The following ECE1 variants were observed in gnomAD, a reference collection of about 807,000 sequenced individuals.
ECE1 encodes endothelin-converting enzyme 1.
In ECE1, 35 loss-of-function variants were observed where a neutral mutation model predicts 98.6. The ratio of observed to expected loss-of-function variants is 0.35; its 90% confidence interval spans 0.27 to 0.47. ECE1 has a LOEUF of 0.47. ECE1 is among the 20% of genes least tolerant of loss of function. ECE1 has a pLI of 1.00. For missense variants in ECE1, 814 were observed against 1,025.3 expected (o/e 0.79, Z 2.81); for synonymous variants, 394 against 407.1 (o/e 0.97, Z 0.39).
At chr1:21,231,972 G>T (rs1408644497) in intron 14 of ECE1, among the ~76,000 whole-genome samples, 1 of 152,190 alleles carries the variant, frequency 6.6e-6, no homozygotes, top group Non-Finnish European at 1.5e-5. Flanking sequence ...ACTTCAATGG[G>T]TAGGCAAGGA....
intron 3 of ECE1, among the ~76,000 whole-genome samples, chr1:21,277,471 C>T (rs1300995115): frequency 6.6e-6 from 1 of 152,128 alleles, no homozygotes; most frequent in Non-Finnish European, 1.5e-5. Context: ...TCCACACTGA[C>T]CAGGAGGGGG....
chr1:21,262,883 C>T (rs2098228859), intron 4 of ECE1, among the ~76,000 whole-genome samples: 1 of 152,214 alleles, frequency 6.6e-6, no homozygotes. Flanking sequence ...GTTCCTTTTG[C>T]CTGGCAACCG....
Position 21,221,864 on chromosome 1 carries a change from G to A in ECE1, c.2041-22C>T, listed in dbSNP as rs767969016. ...AAGCCTGGGAGGAGAGAAAACCAAA[G>A]CTCAGGGGTTCCCATGGCAGGTGGT... On this transcript the variant is annotated intron_variant, in intron 17 of 18. Transcript: ENST00000374893. The A allele has an allele frequency of 9.3e-6, 15 of 1,610,436 alleles. No individual in the cohort carries two copies. The South Asian group carries it at 1.6e-4, about 18-fold the overall frequency.
chr1:21,338,452 A>G (rs1639342366), intron 1 of ECE1, among the ~76,000 whole-genome samples: 1 of 152,254 alleles, frequency 6.6e-6, no homozygotes, highest in African/African-American at 2.4e-5. Flanking sequence ...CTCATTTTAC[A>G]GAGGAAGAAA....
intron 1 of ECE1, among the ~76,000 whole-genome samples, chr1:21,343,049 G>A (rs1284160377): frequency 6.6e-6 from 1 of 152,054 alleles, no homozygotes; most frequent in Non-Finnish European, 1.5e-5. Context: ...TCACACCTCT[G>A]CTCCTCTGTC....
intron 3 of ECE1, among the ~76,000 whole-genome samples, chr1:21,273,532 G>A (rs1569601224): frequency 6.6e-6 from 1 of 152,274 alleles, no homozygotes; most frequent in East Asian, 1.9e-4. Context: ...TTTACTATGT[G>A]CCAAAAGGGT....
At chr1:21,326,654 G>T (rs1444393592) in intron 1 of ECE1, among the ~76,000 whole-genome samples, 1 of 152,126 alleles carries the variant, frequency 6.6e-6, no homozygotes, top group African/African-American at 2.4e-5. Context: ...GCAGCGTAGG[G>T]AGGTGGGGCG....
rs1179375786 is a variant in ECE1 at position 21,220,156 on chromosome 1, C to T, written c.2137-25G>A. 3 of 1,597,868 alleles carry T rather than the reference C, an allele frequency of 1.9e-6. No individual in the cohort carries two copies. Among genetic ancestry groups the T allele is most frequent in the East Asian group, 2.2e-5 (1 of 44,638 alleles). ...CCTTTGAAGGGGCAACAGGGAGAGG[C>T]CAGGGTCACTGTGGGGCCCTCGGGC... On this transcript the variant is annotated intron_variant, in intron 18 of 18. Coordinates refer to ENST00000374893, the MANE Select transcript of ECE1 (RefSeq NM_001397.3). The surrounding 1 kb of genome is among the most constrained non-coding windows in gnomAD (Gnocchi z 5.0).
At chr1:21,257,827 C>G (rs568184624) in intron 6 of ECE1, among the ~76,000 whole-genome samples, 1 of 152,194 alleles carries the variant, frequency 6.6e-6, no homozygotes, top group Non-Finnish European at 1.5e-5. Context: ...AAGGGCTGGA[C>G]AGAGCCACCC....
chr1:21,272,577 C>T, intron 4 of ECE1, 122 bp downstream of exon 4: 1 of 1,210,898 alleles, frequency 8.3e-7, no homozygotes, highest in African/African-American at 1.5e-5. Context: ...CAGGTGTGAG[C>T]CACCGTGCCC....
chr1:21,290,203 C>T lies in ECE1; in HGVS notation c.52-47G>A. On this transcript the variant is annotated intron_variant, in intron 1 of 18. Transcript: ENST00000374893. The surrounding 1 kb of genome is among the most constrained non-coding windows in gnomAD (Gnocchi z 7.3). ...GGACTCCCTCAGCGCCTCCATGGCT[C>T]TCGCGCCCGAATGGGGAAGCGGCCC... The T allele has an allele frequency of 6.8e-7, 1 of 1,477,644 alleles. No homozygotes were observed. The highest frequency in any genetic ancestry group is 9.0e-7 in the Non-Finnish European group (1 of 1,112,228). 91.5% of individuals were successfully genotyped at this position (1,477,644 alleles called of 1,614,324 possible).
chr1:21,251,251 C>A (rs966937980), intron 8 of ECE1, among the ~76,000 whole-genome samples: 1 of 152,036 alleles, frequency 6.6e-6, no homozygotes, highest in African/African-American at 2.4e-5. Context: ...GTGGCTCATG[C>A]CTGTAAATCC....
chr1:21,238,118 C>A lies in ECE1; in HGVS notation c.1389+16G>T. On this transcript the variant is annotated intron_variant, in intron 11 of 18. Transcript: ENST00000374893. ...AGTGTGACCTCACAGCCTGTGTCCA[C>A]GGGGAAGGCACTTACTATGCTCTTG... 1 of 1,611,228 alleles carries A rather than the reference C, an allele frequency of 6.2e-7. No homozygotes were observed. The highest frequency in any genetic ancestry group is 8.5e-7 in the Non-Finnish European group (1 of 1,177,432).
At chr1:21,227,015 T>A (rs1346353841) in intron 16 of ECE1, 144 bp downstream of exon 16, 7 of 776,504 alleles carry the variant, frequency 9.0e-6, no homozygotes, top group Middle Eastern at 7.2e-4. Flanking sequence ...TAATCCATCA[T>A]GCACAGCCTA....
chr1:21,257,900 G>C (rs2098221967), intron 6 of ECE1, among the ~76,000 whole-genome samples: 1 of 152,238 alleles, frequency 6.6e-6, no homozygotes, highest in South Asian at 2.1e-4. Flanking sequence ...TTTCCAGGTG[G>C]TTAAGAGTCA....
intron 1 of ECE1, among the ~76,000 whole-genome samples, chr1:21,310,083 C>G (rs1638684942): frequency 6.6e-6 from 1 of 152,154 alleles, no homozygotes; most frequent in South Asian, 2.1e-4. Flanking sequence ...GCGTGAGCCA[C>G]TGTGCCAGGC....
At chr1:21,238,339 T>G (rs1573948009) in intron 10 of ECE1, 95 bp from the exon 11 acceptor site, 1 of 1,005,706 alleles carries the variant, frequency 9.9e-7, no homozygotes, top group East Asian at 2.6e-5. Flanking sequence ...GGCCCATGCT[T>G]TGTTCTGGAA....
intron 3 of ECE1, 104 bp from the exon 4 acceptor site, chr1:21,273,015 C>T: frequency 1.6e-6 from 2 of 1,268,922 alleles, no homozygotes; most frequent in Non-Finnish European, 2.3e-6. Context: ...CCCACCCTGG[C>T]CCTGACCACA....
chr1:21,305,519 G>A (rs771088974), intron 1 of ECE1, among the ~76,000 whole-genome samples: 3 of 152,114 alleles, frequency 2.0e-5, no homozygotes, highest in Non-Finnish European at 4.4e-5. Context: ...TCAAAACTGG[G>A]CACATACACC....
Sources: gnomAD v4.1 joint callset for allele counts (sites outside exome capture counted in the v4.1 genomes callset) on GRCh38, gnomAD v4.1.1 for gene constraint, Gnocchi (gnomAD v3.1) non-coding constraint, MANE v1.5 for transcripts, NCBI Gene and HGNC (gene_info 2026-07-23, HGNC 2026-07-21) for gene names.